Variants in FBN2 observed in about 807,000 individuals in gnomAD.
FBN2 encodes the protein fibrillin 2.
Under a neutral mutation model 355.6 loss-of-function variants are expected in FBN2, and 105 were observed. The ratio of observed to expected loss-of-function variants is 0.30; its 90% CI spans 0.25 to 0.35. The LOEUF (loss-of-function observed/expected upper bound fraction) is 0.35. Ranked by LOEUF, FBN2 falls within the 10% of genes least tolerant of loss-of-function variation. The pLI, the probability that FBN2 is intolerant of heterozygous loss-of-function variation, is 1.00. For missense variants in FBN2, 3,280 were observed against 3,758.7 expected, an observed-to-expected ratio of 0.87 and a Z score of 3.33; for synonymous variants, 1,350 against 1,301.2, an observed-to-expected ratio of 1.04 and a Z score of -0.81.
chr5:128,335,229 T>C lies in FBN2; in HGVS notation c.3914A>G (p.Glu1305Gly), dbSNP rs540756837. ...DGGQCTNIPG[E>G]YRCLCYDGFM... is the part of the protein sequence containing the mutation. The stretch of plus-strand genomic sequence containing the variant: ...GCCATCATAGCAGAGGCAGCGATAC[T>C]CTCCAGGAATGTTGGTACACTGGCC... The change falls in exon 30 of 65, where the codon GAG (glutamate) becomes GGG (glycine). Residue 1305 changes from glutamate (E) to glycine (G), a missense_variant. Glu to Gly is a moderately conservative substitution (Grantham distance 98, BLOSUM62 -2). Around this residue, in one of 6 missense-constraint regions of FBN2, gnomAD observed 2,284 missense variants for 2,749.5 expected, o/e 0.83. Transcript: ENST00000262464. 1.2e-6 allele frequency: 2 copies of C among 1,614,154 alleles called. No individual in the cohort carries two copies. Among genetic ancestry groups the C allele is most frequent in the East Asian group, 2.2e-5 (1 of 44,882 alleles).
chr5:128,317,194 T>C (rs1750225845), intron 36 of FBN2, among the ~76,000 whole-genome samples: 1 of 152,098 alleles, frequency 6.6e-6, no homozygotes, highest in African/African-American at 2.4e-5. Context: ...GCGCTTCTCC[T>C]CCAACCACCT....
At chr5:128,431,977 G>A (rs992018089) in intron 7 of FBN2, among the ~76,000 whole-genome samples, 11 of 152,140 alleles carry the variant, frequency 7.2e-5, no homozygotes, top group African/African-American at 2.7e-4. Context: ...ACCTGAAACT[G>A]TAGAAAGTGA....
chr5:128,465,431 A>G (rs1356276092), intron 5 of FBN2, among the ~76,000 whole-genome samples: 1 of 152,210 alleles, frequency 6.6e-6, no homozygotes, highest in African/African-American at 2.4e-5. Context: ...CTCTTTACTT[A>G]GCAGAGATTT....
chr5:128,364,622 A>G lies in FBN2; in HGVS notation c.2406T>C (p.Asp802=). 6.2e-7 allele frequency: 1 copy of G among 1,613,712 alleles called. No individual in the cohort carries two copies. The change falls in exon 18 of 65, where the codon GAT becomes GAC. Residue 802 remains aspartate, a synonymous_variant. Transcript: ENST00000262464. Reference sequence around the variant, plus strand: ...TACCAATACAGTTTCTTCCAGAGGCATCTGGTTCATAGCCACTGTTGCAAT... The same window carrying G: ...TACCAATACAGTTTCTTCCAGAGGCGTCTGGTTCATAGCCACTGTTGCAAT... ...RCNCNSGYEP[D]ASGRNCIDID... is the part of the protein sequence containing the mutation.
chr5:128,460,640 G>T (rs1333343510), intron 6 of FBN2, among the ~76,000 whole-genome samples: 1 of 152,100 alleles, frequency 6.6e-6, no homozygotes, highest in African/African-American at 2.4e-5. Flanking sequence ...AAACAGCATG[G>T]TACTGGAACC....
At chr5:128,387,299 G>T (rs1752392427) in intron 11 of FBN2, among the ~76,000 whole-genome samples, 1 of 151,990 alleles carries the variant, frequency 6.6e-6, no homozygotes, top group Non-Finnish European at 1.5e-5. Flanking sequence ...CTTTGGGGTT[G>T]TTGGTAATGT....
rs1764870464 is a variant in FBN2 at position 128,258,331 on chromosome 5, T to C, written c.*1124A>G. On this transcript the variant is annotated 3_prime_UTR_variant, in exon 65 of 65. Transcript: ENST00000262464. ...TCATACACAATAGGCTATGATAAAA[T>C]GAGGCATATGGTGTATAACTACAGT... is the stretch of plus-strand genomic sequence containing the variant. 6.6e-6 allele frequency: 1 copy of C among 152,452 alleles called. No homozygotes were observed. The highest frequency in any genetic ancestry group is 2.4e-5 in the African/African-American group (1 of 41,378). The allele number at this position is 152,452 out of a possible 1,614,324, so 9.4% of individuals were successfully genotyped here.
intron 56 of FBN2, among the ~76,000 whole-genome samples, chr5:128,279,646 GAA>G (rs1765484355): frequency 1.3e-5 from 2 of 152,036 alleles, no homozygotes. Flanking sequence ...TGTTTACCTT[GAA>G]TTTTACTACA....
At position 128,335,504 on chromosome 5, in the gene FBN2, G is replaced by A; in HGVS notation, c.3798C>T (p.Cys1266=). 6.2e-7 allele frequency: 1 copy of A among 1,613,754 alleles called. No homozygotes were observed. Among genetic ancestry groups the A allele is most frequent in the Non-Finnish European group, 8.5e-7 (1 of 1,179,596 alleles). ...QCTNSEGSYE[C]SCSEGYALMP... ...TCAGGGCATAACCCTCACTGCAGCT[G>A]CATTCGTAGCTTCCCTCTGAATTTG... Residue 1266 remains cysteine, a synonymous_variant, in exon 29 of 65, where the codon TGC becomes TGT. Transcript: ENST00000262464.
At position 128,455,433 on chromosome 5, in the gene FBN2, T is replaced by C. The variant is rs1292282865; in HGVS notation, c.827-8827A>G. On this transcript the variant is annotated intron_variant, in intron 6 of 64. Coordinates refer to ENST00000262464, the MANE Select transcript of FBN2 (RefSeq NM_001999.4). ...TCAAGAATTGATATGACTGATTTCA[T>C]ACCACGCTAGGAGGGCACACCTTTC... Among the ~76,000 whole-genome samples the C allele has an allele frequency of 2.6e-5, 4 of 152,098 alleles. No individual in the cohort carries two copies. The East Asian group carries it at 7.7e-4, about 29-fold the overall frequency.
At chr5:128,451,617 C>T (rs914227529) in intron 6 of FBN2, among the ~76,000 whole-genome samples, 1 of 152,094 alleles carries the variant, frequency 6.6e-6, no homozygotes, top group Admixed American at 6.5e-5. Context: ...TCAGGCTGGT[C>T]TCGAACTCCT....
chr5:128,389,237 G>A (rs2126973567), intron 11 of FBN2, among the ~76,000 whole-genome samples: 1 of 152,332 alleles, frequency 6.6e-6, no homozygotes, highest in East Asian at 1.9e-4. Context: ...TGAGGCCTAT[G>A]TGCATGTGTG....
At chr5:128,395,936 A>C (rs1354614267) in intron 8 of FBN2, among the ~76,000 whole-genome samples, 2 of 152,210 alleles carry the variant, frequency 1.3e-5, no homozygotes, top group East Asian at 3.8e-4. Context: ...GGATGGTTAC[A>C]ATGAGAGAAG....
chr5:128,359,483 T>C (rs1751584753), intron 19 of FBN2, among the ~76,000 whole-genome samples: 2 of 152,150 alleles, frequency 1.3e-5, no homozygotes, highest in Admixed American at 6.5e-5. Context: ...CAAATAACAG[T>C]GGGAAGAAAG....
intron 5 of FBN2, among the ~76,000 whole-genome samples, chr5:128,518,966 T>G (rs563507048): frequency 1.3e-5 from 2 of 152,292 alleles, no homozygotes; most frequent in Admixed American, 1.3e-4. Flanking sequence ...AGCAGTACTT[T>G]CAACAATGCC....
In FBN2 at chr5:128,315,880, T is replaced by C. The variant is rs145796662; in HGVS notation, c.4717+2269A>G. Among the ~76,000 whole-genome samples the C allele has an allele frequency of 6.6e-5, 10 of 152,310 alleles. No homozygotes were observed. The East Asian group carries it at 1.9e-3, about 29-fold the overall frequency. On this transcript the variant is annotated intron_variant, in intron 36 of 64. Transcript: ENST00000262464. ...GTCCTTTCACTTGCTGATTCTGAAG[T>C]TTGAAAACATTCACCTAGGATATTG...
intron 48 of FBN2, among the ~76,000 whole-genome samples, chr5:128,300,216 A>T (rs950125730): frequency 6.6e-6 from 1 of 152,242 alleles, no homozygotes; most frequent in African/African-American, 2.4e-5. Flanking sequence ...GGCTGTAAAA[A>T]ATAATTTGTA....
At chr5:128,374,968 A>C (rs1387290808) in intron 14 of FBN2, among the ~76,000 whole-genome samples, 1 of 152,230 alleles carries the variant, frequency 6.6e-6, no homozygotes, top group Non-Finnish European at 1.5e-5. Flanking sequence ...AAAAAGCCTC[A>C]CAATCTTCTT....
At chr5:128,289,554 T>C (rs1749260032) in intron 51 of FBN2, among the ~76,000 whole-genome samples, 1 of 151,934 alleles carries the variant, frequency 6.6e-6, no homozygotes. Flanking sequence ...CACCACTGCA[T>C]TCCAGCGGGC....
Sources: allele counts gnomAD v4.1 joint callset (sites outside exome capture counted in the v4.1 genomes callset), GRCh38; gene constraint gnomAD v4.1.1; regional missense constraint gnomAD v4.1.1; transcripts MANE v1.5; gene names NCBI Gene and HGNC (gene_info 2026-07-23, HGNC 2026-07-21).